TRMT9B: variants seen among roughly 807,000 people sequenced by gnomAD.
TRMT9B encodes the protein tRNA methyltransferase 9B (putative).
In TRMT9B, 16 loss-of-function variants were observed where a neutral mutation model predicts 11.5. The ratio of observed to expected loss-of-function variants is 1.39; its 90% CI spans 0.94 to 2.11. The LOEUF (loss-of-function observed/expected upper bound fraction) is 2.11. Among genes scored for constraint, TRMT9B ranks in the 30% most tolerant of loss-of-function variants. The probability of loss-of-function intolerance (pLI) is 0.00; values close to 1 mark genes in which losing one functional copy is unlikely to be tolerated. For synonymous variants in TRMT9B, 274 were observed against 192.4 expected (o/e 1.42, Z -3.51); for missense variants, 941 against 553.8 (o/e 1.70, Z -7.02).
chr8:13,003,076 C>G (rs372874382), intron 2 of TRMT9B, among the ~76,000 whole-genome samples: 4 of 152,124 alleles, frequency 2.6e-5, no homozygotes, highest in African/African-American at 9.7e-5. Flanking sequence ...GTGCTGGGGA[C>G]TCAGTATTAA....
At chr8:12,975,193 C>G (rs894113147) in intron 1 of TRMT9B, among the ~76,000 whole-genome samples, 53 of 151,906 alleles carry the variant, frequency 3.5e-4, no homozygotes, top group African/African-American at 1.3e-3. Flanking sequence ...GATAGTTCAT[C>G]CTCATCTCTC....
chr8:13,020,949 A>G, intron 4 of TRMT9B, 59 bp from the exon 5 acceptor site: 1 of 1,149,692 alleles, frequency 8.7e-7, no homozygotes, highest in Non-Finnish European at 1.2e-6. Context: ...ACACCAGTGT[A>G]TACGTGTGTG....
chr8:12,977,958 G>A (rs1804724083), intron 1 of TRMT9B, among the ~76,000 whole-genome samples: 1 of 152,180 alleles, frequency 6.6e-6, no homozygotes, highest in African/African-American at 2.4e-5. Context: ...GAGCCTGGGA[G>A]GTCAAGGCTG....
intron 4 of TRMT9B, among the ~76,000 whole-genome samples, chr8:13,013,320 G>C (rs1585375099): frequency 6.6e-6 from 1 of 152,292 alleles, no homozygotes; most frequent in African/African-American, 2.4e-5. Context: ...TGGTACTCAA[G>C]TTCATGGAGA....
chr8:13,021,690 T>C lies in TRMT9B; in HGVS notation c.1011T>C (p.His337=), dbSNP rs1375920005. Residue 337 remains histidine, a synonymous_variant, in exon 5 of 5, where the codon CAT becomes CAC. Coordinates refer to ENST00000524591, the MANE Select transcript of TRMT9B (RefSeq NM_020844.3). ...PGTLKHLNGD[H]QGEMRRNGGG... is the part of the protein sequence containing the mutation. ...CTCTGAAACATTTAAATGGAGACCATCAAGGGGAAATGAGGAGAAATGGAG... is the reference window on the plus strand; with the variant it reads ...CTCTGAAACATTTAAATGGAGACCACCAAGGGGAAATGAGGAGAAATGGAG... 1 of 1,613,870 alleles carries C rather than the reference T, an allele frequency of 6.2e-7. No homozygotes were observed. Among genetic ancestry groups the C allele is most frequent in the Admixed American group, 1.7e-5 (1 of 59,994 alleles).
At position 13,026,642 on chromosome 8, in the gene TRMT9B, C is replaced by T. The variant is rs1814725451; in HGVS notation, c.*4598C>T. 1 of 167,116 alleles carries T rather than the reference C, an allele frequency of 6.0e-6. No homozygotes were observed. Among genetic ancestry groups the T allele is most frequent in the African/African-American group, 2.4e-5 (1 of 41,456 alleles). 10.4% of individuals were successfully genotyped at this position (167,116 alleles called of 1,614,324 possible). On this transcript the variant is annotated 3_prime_UTR_variant, in exon 5 of 5. Coordinates refer to ENST00000524591, the MANE Select transcript of TRMT9B (RefSeq NM_020844.3). ...CCAAGATAACTATACTTATTGTTCC[C>T]ATTTTGCAGATGAGGAAAACTGAGG...
intron 1 of TRMT9B, among the ~76,000 whole-genome samples, chr8:12,955,522 A>T (rs1053577931): frequency 3.4e-4 from 52 of 152,184 alleles, no homozygotes; most frequent in African/African-American, 1.2e-3. Flanking sequence ...AAGGGTTGTT[A>T]GTCCTGATTT....
intron 1 of TRMT9B, among the ~76,000 whole-genome samples, chr8:12,953,423 C>G (rs1166692351): frequency 6.6e-6 from 1 of 152,090 alleles, no homozygotes; most frequent in Non-Finnish European, 1.5e-5. Context: ...GATCTTGGCT[C>G]AATACAACTT....
intron 1 of TRMT9B, among the ~76,000 whole-genome samples, chr8:12,953,707 G>GCT (rs1800938039): frequency 6.6e-6 from 1 of 152,152 alleles, no homozygotes; most frequent in African/African-American, 2.4e-5. Context: ...GAGAATACAG[G>GCT]GTAAAGAACT....
chr8:12,961,008 G>A (rs1477718879), intron 1 of TRMT9B, among the ~76,000 whole-genome samples: 2 of 152,252 alleles, frequency 1.3e-5, no homozygotes, highest in East Asian at 1.9e-4. Flanking sequence ...GGGCGTGATG[G>A]TGCGTGCCTG....
chr8:12,954,772 C>G (rs925293132), intron 1 of TRMT9B, among the ~76,000 whole-genome samples: 2 of 152,216 alleles, frequency 1.3e-5, no homozygotes, highest in Admixed American at 6.5e-5. Context: ...GAACTCCTAG[C>G]TGAGACATCT....
At chr8:12,984,768 T>A (rs1183318201) in intron 1 of TRMT9B, among the ~76,000 whole-genome samples, 2 of 152,210 alleles carry the variant, frequency 1.3e-5, no homozygotes, top group African/African-American at 4.8e-5. Context: ...TTTGATTTTC[T>A]TGTTCATTTC....
At chr8:12,992,726 C>T (rs900729913) in intron 2 of TRMT9B, among the ~76,000 whole-genome samples, 16 of 151,694 alleles carry the variant, frequency 1.1e-4, no homozygotes, top group African/African-American at 3.1e-4. Flanking sequence ...CCAGGTGTGA[C>T]GGCATGCACC....
Position 13,021,377 on chromosome 8 carries a change from G to A in TRMT9B, c.698G>A (p.Gly233Asp). The stretch of plus-strand genomic sequence containing the variant: ...TGTTTTGCAAATATTTCTAAGGAAG[G>A]CGAGGAAGAATATGGATTTTACAGC... ...RTCFANISKE[G>D]EEEYGFYSTL... Residue 233 changes from glycine (G) to aspartate (D), a missense_variant, in exon 5 of 5, where the codon GGC becomes GAC. Transcript: ENST00000524591. 1.2e-6 allele frequency: 2 copies of A among 1,614,074 alleles called. No individual in the cohort carries two copies. The highest frequency in any genetic ancestry group is 1.7e-6 in the Non-Finnish European group (2 of 1,179,904).
chr8:13,010,645 G>A, intron 3 of TRMT9B: 2 of 984,902 alleles, frequency 2.0e-6, no homozygotes, highest in Non-Finnish European at 2.4e-6. Context: ...AATGCTCTCT[G>A]AACAGGCCCT....
intron 1 of TRMT9B, chr8:12,969,875 C>T (rs951327274): frequency 7.1e-6 from 1 of 141,206 alleles, no homozygotes; most frequent in Middle Eastern, 3.5e-3. Context: ...TTTGTAGACA[C>T]ATGGTCTTGC....
Position 13,022,082 on chromosome 8 carries a change from A to G in TRMT9B, c.*38A>G. 1 of 1,419,908 alleles carries G rather than the reference A, an allele frequency of 7.0e-7. No individual in the cohort carries two copies. Among genetic ancestry groups the G allele is most frequent in the Non-Finnish European group, 9.5e-7 (1 of 1,050,422 alleles). 88.0% of individuals were successfully genotyped at this position (1,419,908 alleles called of 1,614,324 possible). ...AGACAACTCCTCCAAAAGATGAACC[A>G]CATTCTTTCCTCTTGGTTTGATATG... On this transcript the variant is annotated 3_prime_UTR_variant, in exon 5 of 5. Transcript: ENST00000524591.
intron 3 of TRMT9B, chr8:13,012,291 A>T: frequency 1.0e-6 from 1 of 958,426 alleles, no homozygotes; most frequent in Non-Finnish European, 1.2e-6. Flanking sequence ...AAAAAAAAAA[A>T]GTTGGCCAGG....
chr8:13,004,038 G>C (rs1467736660), intron 2 of TRMT9B, among the ~76,000 whole-genome samples: 2 of 151,826 alleles, frequency 1.3e-5, no homozygotes, highest in Non-Finnish European at 2.9e-5. Context: ...CGAACTCAGT[G>C]CTGCCCTGTC....
Sources: allele counts gnomAD v4.1 joint callset (sites outside exome capture counted in the v4.1 genomes callset), GRCh38; gene constraint gnomAD v4.1.1; transcripts MANE v1.5; gene names NCBI Gene and HGNC (gene_info 2026-07-23, HGNC 2026-07-21).